The following PKN2 variants were observed in gnomAD, a reference collection of about 807,000 sequenced individuals.
PKN2 encodes the protein protein kinase N2.
A neutral mutation model predicts 119.1 loss-of-function variants in PKN2; 38 were observed. That is an observed-to-expected ratio of 0.32 (90% confidence interval 0.25 to 0.42). PKN2 has a LOEUF of 0.42. PKN2 is among the 10% of genes least tolerant of loss of function. The pLI, the probability that PKN2 is intolerant of heterozygous loss-of-function variation, is 1.00. For missense variants in PKN2, 850 were observed against 1,165.1 expected (o/e 0.73, Z 3.94); for synonymous variants, 390 against 384.9 (o/e 1.01, Z -0.15).
At chr1:88,694,792 T>C (rs1366490167) in intron 1 of PKN2, among the ~76,000 whole-genome samples, 3 of 152,214 alleles carry the variant, frequency 2.0e-5, no homozygotes, top group Non-Finnish European at 4.4e-5. Flanking sequence ...TGGATTTTGG[T>C]CATTCTAATA....
At chr1:88,706,119 TAAAC>T (rs1034277153) in intron 1 of PKN2, among the ~76,000 whole-genome samples, 2 of 152,210 alleles carry the variant, frequency 1.3e-5, no homozygotes, top group Admixed American at 1.3e-4. Flanking sequence ...TGTTCTATGA[TAAAC>T]AAAGTATGTC....
At chr1:88,710,632 T>A (rs921271949) in intron 1 of PKN2, among the ~76,000 whole-genome samples, 7 of 152,162 alleles carry the variant, frequency 4.6e-5, no homozygotes, top group African/African-American at 1.7e-4. Flanking sequence ...GAATGGCTAT[T>A]ACTAAAAAGT....
chr1:88,733,147 A>T (rs537460504), intron 1 of PKN2, among the ~76,000 whole-genome samples: 1 of 152,344 alleles, frequency 6.6e-6, no homozygotes, highest in African/African-American at 2.4e-5. Context: ...GCTGTAATAA[A>T]CATAGGAGTG....
chr1:88,820,214 A>G (rs1166910750), intron 16 of PKN2, among the ~76,000 whole-genome samples: 1 of 115,106 alleles, frequency 8.7e-6, no homozygotes, highest in Non-Finnish European at 1.7e-5. Flanking sequence ...ATATATATAT[A>G]TATATATATA....
chr1:88,781,996 C>T (rs1405263342), intron 6 of PKN2, among the ~76,000 whole-genome samples: 1 of 152,040 alleles, frequency 6.6e-6, no homozygotes, highest in Non-Finnish European at 1.5e-5. Context: ...GTTTACATAC[C>T]ATAGAATTCA....
At chr1:88,733,230 T>C (rs894195018) in intron 1 of PKN2, among the ~76,000 whole-genome samples, 4 of 152,236 alleles carry the variant, frequency 2.6e-5, no homozygotes, top group Admixed American at 1.3e-4. Flanking sequence ...TATCGGATCA[T>C]GTGGTAGTTC....
At chr1:88,781,761 A>C (rs1670355002) in intron 6 of PKN2, among the ~76,000 whole-genome samples, 1 of 152,136 alleles carries the variant, frequency 6.6e-6, no homozygotes, top group Non-Finnish European at 1.5e-5. Flanking sequence ...TAGTAGCCAG[A>C]TGTTTTCAGT....
At chr1:88,685,634 T>C (rs1158845833) in intron 1 of PKN2, among the ~76,000 whole-genome samples, 1 of 152,228 alleles carries the variant, frequency 6.6e-6, no homozygotes, top group South Asian at 2.1e-4. Flanking sequence ...GATGTTTGTT[T>C]TTTGACTTAA....
At chr1:88,788,440 A>ATTTT (rs879512615) in intron 8 of PKN2, among the ~76,000 whole-genome samples, 2 of 147,352 alleles carry the variant, frequency 1.4e-5, no homozygotes, top group African/African-American at 2.5e-5. Context: ...ATAATCCAGG[A>ATTTT]TTTTTTTTTT....
chr1:88,684,426 C>T lies in PKN2; in HGVS notation c.-155C>T. 1 of 644,642 alleles carries T rather than the reference C, an allele frequency of 1.6e-6. No homozygotes were observed. The highest frequency in any genetic ancestry group is 2.5e-6 in the Non-Finnish European group (1 of 393,462). The allele number at this position is 644,642 out of a possible 1,614,324, so 39.9% of individuals were successfully genotyped here. A position where few individuals can be genotyped will look rare whatever the true frequency, so the allele number is the denominator to read the frequency against. ...TCTCGATGAACCGGACGGAATAAGC[C>T]GCGCCTCCAGCAGGGGCTGCGCCTC... On this transcript the variant is annotated 5_prime_UTR_variant, in exon 1 of 22. Coordinates refer to ENST00000370521, the MANE Select transcript of PKN2 (RefSeq NM_006256.4).
chr1:88,717,477 G>T (rs1213044883), intron 1 of PKN2, among the ~76,000 whole-genome samples: 1 of 151,854 alleles, frequency 6.6e-6, no homozygotes. Flanking sequence ...CATATTTCTT[G>T]GAGGCTTTGT....
In PKN2 at chr1:88,833,825, CTA is replaced by C. The variant is rs1351410880; in HGVS notation, c.*379_*380del. The C allele has an allele frequency of 1.2e-5, 2 of 167,268 alleles. No individual in the cohort carries two copies. Among genetic ancestry groups the C allele is most frequent in the African/African-American group, 2.4e-5 (1 of 41,650 alleles). The allele number at this position is 167,268 out of a possible 1,614,324, so 10.4% of individuals were successfully genotyped here. A position where few individuals can be genotyped will look rare whatever the true frequency, so the allele number is the denominator to read the frequency against. On this transcript the variant is annotated 3_prime_UTR_variant, in exon 22 of 22. Coordinates refer to ENST00000370521, the MANE Select transcript of PKN2 (RefSeq NM_006256.4). ...AGTGGAAGGAAAGTTAATCACTTAA[CTA>C]TGTTTTATAAAAAGAAAAAAGGGCT...
At chr1:88,830,319 G>T (rs989947606) in intron 19 of PKN2, among the ~76,000 whole-genome samples, 2 of 152,130 alleles carry the variant, frequency 1.3e-5, no homozygotes, top group Admixed American at 1.3e-4. Flanking sequence ...AAAAGCTGTT[G>T]TGCAGTGTTT....
intron 8 of PKN2, among the ~76,000 whole-genome samples, chr1:88,801,161 G>T (rs1012894715): frequency 1.3e-5 from 2 of 152,122 alleles, no homozygotes; most frequent in African/African-American, 2.4e-5. Flanking sequence ...AAGACGGGTG[G>T]ATCACCTGAG....
intron 8 of PKN2, among the ~76,000 whole-genome samples, chr1:88,788,304 A>T (rs1308518596): frequency 2.6e-5 from 4 of 152,128 alleles, no homozygotes; most frequent in Admixed American, 2.0e-4. Flanking sequence ...TTGTTTTGGG[A>T]TTTTATGTAA....
intron 3 of PKN2, among the ~76,000 whole-genome samples, chr1:88,764,522 T>C (rs1385790604): frequency 1.3e-5 from 2 of 152,214 alleles, no homozygotes; most frequent in African/African-American, 2.4e-5. Flanking sequence ...CCTGAAACAA[T>C]ACTCCATTGA....
At position 88,833,296 on chromosome 1, in the gene PKN2, C is replaced by T. The variant is rs746091445; in HGVS notation, c.2803C>T (p.Pro935Ser). The T allele has an allele frequency of 1.2e-6, 2 of 1,613,318 alleles. No individual in the cohort carries two copies. Among genetic ancestry groups the T allele is most frequent in the Non-Finnish European group, 1.7e-6 (2 of 1,179,472 alleles). ...CAAAAAAGTAAAGCCACCATTTATA[C>T]CTACCATAAGAGGACGAGAAGATGT... is the stretch of plus-strand genomic sequence containing the variant. ...MDKKVKPPFI[P>S]TIRGREDVSN... The change falls in exon 22 of 22, where the codon CCT (proline) becomes TCT (serine). Residue 935 changes from proline to serine, a missense_variant. Pro to Ser is a moderately conservative substitution (Grantham distance 74, BLOSUM62 -1). Around this residue, in one of 9 missense-constraint regions of PKN2, gnomAD observed 95 missense variants for 150.2 expected, o/e 0.63. Coordinates refer to ENST00000370521, the MANE Select transcript of PKN2 (RefSeq NM_006256.4).
intron 1 of PKN2, among the ~76,000 whole-genome samples, chr1:88,693,650 G>A (rs1319367431): frequency 6.6e-6 from 1 of 152,200 alleles, no homozygotes; most frequent in Non-Finnish European, 1.5e-5. Context: ...AGTTAAGGCT[G>A]CAGTGAGCTG....
At chr1:88,721,064 A>G (rs1260906381) in intron 1 of PKN2, among the ~76,000 whole-genome samples, 4 of 152,120 alleles carry the variant, frequency 2.6e-5, no homozygotes, top group Admixed American at 2.6e-4. Context: ...TTGTAATTGC[A>G]AATTGTGCTG....
Sources: allele counts gnomAD v4.1 joint callset (sites outside exome capture counted in the v4.1 genomes callset), GRCh38; gene constraint gnomAD v4.1.1; regional missense constraint gnomAD v4.1.1; transcripts MANE v1.5; gene names NCBI Gene and HGNC (gene_info 2026-07-23, HGNC 2026-07-21).